SCHIP1: variants seen among roughly 807,000 people sequenced by gnomAD.
SCHIP1 encodes the protein schwannomin interacting protein 1.
In SCHIP1, 8 loss-of-function variants were observed where a neutral mutation model predicts 29.7. That is an observed-to-expected ratio of 0.27 (90% CI 0.16 to 0.49). The LOEUF is 0.49. Among genes scored for constraint, SCHIP1 ranks in the 20% least tolerant of loss-of-function variants. The probability of loss-of-function intolerance (pLI) is 0.99; values close to 1 mark genes in which losing one functional copy is unlikely to be tolerated. For synonymous variants in SCHIP1, 76 were observed against 94.9 expected, an observed-to-expected ratio of 0.80 and a Z score of 1.16; for missense variants, 193 against 294.6, an observed-to-expected ratio of 0.66 and a Z score of 2.52.
chr3:159,674,684 C>T, the SCHIP1 span, among the ~76,000 whole-genome samples: 3 of 148,932 alleles, frequency 2.0e-5, no homozygotes, highest in Non-Finnish European at 4.4e-5. Flanking sequence ...AGAAGGGAGG[C>T]AAGGTGTATA....
At chr3:159,460,363 G>A in the SCHIP1 span, among the ~76,000 whole-genome samples, 205 of 152,278 alleles carry the variant, frequency 1.3e-3, no homozygotes, top group Non-Finnish European at 2.1e-3. Flanking sequence ...AATAGTTGTA[G>A]AGCATAGCAT....
At chr3:159,729,443 T>C in the SCHIP1 span, among the ~76,000 whole-genome samples, 1 of 152,158 alleles carries the variant, frequency 6.6e-6, no homozygotes, top group African/African-American at 2.4e-5. Context: ...GATGATATGA[T>C]CGCATAGCTA....
the SCHIP1 span, among the ~76,000 whole-genome samples, chr3:159,596,629 A>G: frequency 8.5e-4 from 129 of 152,322 alleles, no homozygotes; most frequent in African/African-American, 3.0e-3. Context: ...ATAAAAAAGG[A>G]TGAGTTCATG....
the SCHIP1 span, among the ~76,000 whole-genome samples, chr3:159,667,046 T>C: frequency 6.6e-6 from 1 of 152,250 alleles, no homozygotes; most frequent in African/African-American, 2.4e-5. Context: ...ATGGCAATGA[T>C]GTGTGTGTTA....
At chr3:159,426,585 A>G in the SCHIP1 span, among the ~76,000 whole-genome samples, 3 of 152,242 alleles carry the variant, frequency 2.0e-5, no homozygotes. Flanking sequence ...ATGGATTCAC[A>G]GCCAAATTCT....
the SCHIP1 span, among the ~76,000 whole-genome samples, chr3:159,388,258 T>C: frequency 5.3e-5 from 8 of 152,082 alleles, no homozygotes; most frequent in African/African-American, 1.9e-4. Flanking sequence ...AAGGTAAACA[T>C]TAAGAAACAA....
chr3:159,601,936 T>A, the SCHIP1 span, among the ~76,000 whole-genome samples: 1 of 152,202 alleles, frequency 6.6e-6, no homozygotes, highest in Non-Finnish European at 1.5e-5. Flanking sequence ...GCTATTCCTG[T>A]TGGCTGTGCT....
the SCHIP1 span, among the ~76,000 whole-genome samples, chr3:159,408,752 A>G: frequency 6.8e-4 from 103 of 152,346 alleles, no homozygotes; most frequent in Non-Finnish European, 1.2e-3. Flanking sequence ...CTCCCAAAAA[A>G]TAGAGTACAG....
the SCHIP1 span, among the ~76,000 whole-genome samples, chr3:159,433,120 T>G: frequency 4.6e-5 from 7 of 152,192 alleles, no homozygotes; most frequent in Non-Finnish European, 1.0e-4. Flanking sequence ...TCATTGTGTA[T>G]GCAAGGGTAA....
At chr3:159,315,982 A>G in the SCHIP1 span, among the ~76,000 whole-genome samples, 1 of 152,018 alleles carries the variant, frequency 6.6e-6, no homozygotes, top group African/African-American at 2.4e-5. Context: ...AGATTTTCCT[A>G]CTTTCTTCAC....
the SCHIP1 span, among the ~76,000 whole-genome samples, chr3:159,832,131 C>T: frequency 2.0e-5 from 3 of 152,142 alleles, no homozygotes; most frequent in East Asian, 5.8e-4. Flanking sequence ...GATTCCACAT[C>T]CTTGCCCTAG....
the SCHIP1 span, among the ~76,000 whole-genome samples, chr3:159,379,411 C>A: frequency 6.6e-6 from 1 of 152,076 alleles, no homozygotes; most frequent in Non-Finnish European, 1.5e-5. Flanking sequence ...TTAGTAGAGA[C>A]AGGGTTTCAC....
the SCHIP1 span, among the ~76,000 whole-genome samples, chr3:159,694,274 C>T: frequency 1.4e-5 from 2 of 147,932 alleles, no homozygotes; most frequent in African/African-American, 5.2e-5. Context: ...AATCACAGCA[C>T]TTTGGGAGGC....
the SCHIP1 span, among the ~76,000 whole-genome samples, chr3:159,441,480 G>A: frequency 7.9e-5 from 12 of 152,030 alleles, no homozygotes; most frequent in South Asian, 2.3e-3. Flanking sequence ...TTTTTTTGGC[G>A]GGGTGACAGG....
chr3:159,549,711 T>C, the SCHIP1 span, among the ~76,000 whole-genome samples: 2 of 152,296 alleles, frequency 1.3e-5, no homozygotes, highest in Non-Finnish European at 2.9e-5. Flanking sequence ...TATTTTGTTA[T>C]GGCAGCCTGA....
At chr3:159,810,775 T>C in the SCHIP1 span, among the ~76,000 whole-genome samples, 2 of 152,226 alleles carry the variant, frequency 1.3e-5, no homozygotes, top group Non-Finnish European at 2.9e-5. Context: ...TGAATACATA[T>C]ACATCTTTGT....
the SCHIP1 span, among the ~76,000 whole-genome samples, chr3:159,783,987 C>A: frequency 6.6e-6 from 1 of 152,202 alleles, no homozygotes; most frequent in Non-Finnish European, 1.5e-5. Flanking sequence ...GGGCTTCTTT[C>A]TAAAACCCTT....
At chr3:159,626,244 CTATCTATATAGA>C in the SCHIP1 span, among the ~76,000 whole-genome samples, 231 of 91,700 alleles carry the variant, frequency 2.5e-3, 6 homozygotes, top group African/African-American at 0.015. Flanking sequence ...ATATATCTAT[CTATCTATATAGA>C]TAGATAGATA....
chr3:159,656,142 T>C, the SCHIP1 span, among the ~76,000 whole-genome samples: 1 of 152,176 alleles, frequency 6.6e-6, no homozygotes, highest in Non-Finnish European at 1.5e-5. Context: ...AAGAATCTTC[T>C]ATGGTAAGCA....
Sources: allele counts gnomAD v4.1 joint callset (sites outside exome capture counted in the v4.1 genomes callset), GRCh38; gene constraint gnomAD v4.1.1; transcripts MANE v1.5; gene names NCBI Gene and HGNC (gene_info 2026-07-23, HGNC 2026-07-21).